The following CLPB variants were observed in gnomAD, a reference collection of about 807,000 sequenced individuals.
CLPB encodes the protein mitochondrial disaggregase.
In CLPB, 40 loss-of-function variants were observed where a neutral mutation model predicts 78.4. The observed-to-expected ratio is 0.51, with a 90% CI of 0.40 to 0.66. The LOEUF is 0.66. Ranked by LOEUF, CLPB falls within the 30% of genes least tolerant of loss-of-function variation. The pLI, the probability that CLPB is intolerant of heterozygous loss-of-function variation, is 0.00. For missense variants in CLPB, 780 were observed against 886.9 expected, an observed-to-expected ratio of 0.88 and a Z score of 1.53; for synonymous variants, 333 against 348.0, an observed-to-expected ratio of 0.96 and a Z score of 0.48.
intron 10 of CLPB, 111 bp downstream of exon 10, chr11:72,302,193 C>T (rs377022467): frequency 2.3e-5 from 28 of 1,223,180 alleles, no homozygotes; most frequent in South Asian, 1.8e-4. Context: ...GTGCTCCCAA[C>T]GACAAATCCC....
chr11:72,368,174 G>C (rs538611815), intron 4 of CLPB, among the ~76,000 whole-genome samples: 1 of 152,252 alleles, frequency 6.6e-6, no homozygotes, highest in Admixed American at 6.5e-5. Context: ...GAGAGTCACA[G>C]GTGAGTCCTG....
intron 6 of CLPB, among the ~76,000 whole-genome samples, chr11:72,320,232 T>G (rs951355523): frequency 6.6e-6 from 1 of 152,224 alleles, no homozygotes; most frequent in Non-Finnish European, 1.5e-5. Flanking sequence ...CTAACATAAC[T>G]TTTCTTTCCA....
At chr11:72,427,927 T>A (rs1261927500) in intron 2 of CLPB, among the ~76,000 whole-genome samples, 1 of 152,186 alleles carries the variant, frequency 6.6e-6, no homozygotes, top group Non-Finnish European at 1.5e-5. Context: ...AAGAGCAGCA[T>A]GAACCACCTG....
intron 8 of CLPB, 94 bp from the exon 9 acceptor site, chr11:72,307,348 T>C: frequency 9.6e-7 from 1 of 1,046,914 alleles, no homozygotes; most frequent in Non-Finnish European, 1.5e-6. Flanking sequence ...CTAGAAAGAA[T>C]ATATTCTATG....
intron 7 of CLPB, among the ~76,000 whole-genome samples, chr11:72,313,059 T>C (rs1949875711): frequency 6.6e-6 from 1 of 152,128 alleles, no homozygotes; most frequent in African/African-American, 2.4e-5. Flanking sequence ...CAGCTCAAGG[T>C]TCTAGGGCAG....
intron 5 of CLPB, among the ~76,000 whole-genome samples, chr11:72,333,810 G>A (rs1950271212): frequency 6.6e-6 from 1 of 152,214 alleles, no homozygotes; most frequent in African/African-American, 2.4e-5. Context: ...GGCTCTGCAA[G>A]GGCTGAGGAG....
At chr11:72,348,398 T>C (rs928754776) in intron 5 of CLPB, among the ~76,000 whole-genome samples, 1 of 152,098 alleles carries the variant, frequency 6.6e-6, no homozygotes, top group African/African-American at 2.4e-5. Flanking sequence ...TCCACACCCA[T>C]CTCCCTACCC....
intron 5 of CLPB, among the ~76,000 whole-genome samples, chr11:72,340,014 T>C (rs770235294): frequency 1.6e-4 from 24 of 152,216 alleles, no homozygotes; most frequent in Admixed American, 6.5e-5. Flanking sequence ...CTGGGACTTG[T>C]TTATGAACCT....
intron 9 of CLPB, chr11:72,302,766 G>T (rs896678574): frequency 4.8e-6 from 1 of 209,548 alleles, no homozygotes; most frequent in African/African-American, 2.3e-5. Context: ...GAATGGTGCA[G>T]ACATGGACAA....
chr11:72,366,061 GC>G (rs1294060707), intron 4 of CLPB, among the ~76,000 whole-genome samples: 6 of 152,102 alleles, frequency 3.9e-5, no homozygotes, highest in African/African-American at 1.4e-4. Context: ...GACAAATGGG[GC>G]CTAATTAAAT....
At position 72,294,455 on chromosome 11, in the gene CLPB, A is replaced by G. The variant is rs1424610937; in HGVS notation, c.1561-11T>C. The G allele has an allele frequency of 9.3e-6, 15 of 1,614,028 alleles. No homozygotes were observed. Among genetic ancestry groups the G allele is most frequent in the Non-Finnish European group, 1.3e-5 (15 of 1,179,978 alleles). On this transcript the variant is annotated splice_polypyrimidine_tract_variant and intron_variant, in intron 13 of 15. Transcript: ENST00000538039. The stretch of plus-strand genomic sequence containing the variant: ...CCTCCGGAAGTGAGCCTGAAGGGCC[A>G]GGTTAGGGGTGGGATGAGCTCAGTG...
At chr11:72,411,409 C>T (rs1298796391) in intron 2 of CLPB, among the ~76,000 whole-genome samples, 1 of 152,192 alleles carries the variant, frequency 6.6e-6, no homozygotes, top group Non-Finnish European at 1.5e-5. Flanking sequence ...GGCTCTATCA[C>T]TTACTAGCTA....
At chr11:72,324,862 C>T (rs1364897967) in intron 6 of CLPB, among the ~76,000 whole-genome samples, 1 of 152,186 alleles carries the variant, frequency 6.6e-6, no homozygotes, top group East Asian at 1.9e-4. Flanking sequence ...GCCTGGAATG[C>T]GGGCCCAGGG....
rs1949481774 is a variant in CLPB, at chr11:72,293,263, G to T, written c.*104C>A. On this transcript the variant is annotated 3_prime_UTR_variant, in exon 16 of 16. Transcript: ENST00000538039. Reference sequence around the variant, plus strand: ...GAGGAGGTAAGCAGGCCTGAGACTGGGTAGAGATGGGAGCGGCATGAGGGG... The same window carrying T: ...GAGGAGGTAAGCAGGCCTGAGACTGTGTAGAGATGGGAGCGGCATGAGGGG... 2 of 1,417,472 alleles carry T rather than the reference G, an allele frequency of 1.4e-6. No homozygotes were observed. Among genetic ancestry groups the T allele is most frequent in the African/African-American group, 1.4e-5 (1 of 70,456 alleles). 87.8% of individuals were successfully genotyped at this position (1,417,472 alleles called of 1,614,324 possible). A position where few individuals can be genotyped will look rare whatever the true frequency, so the allele number is the denominator to read the frequency against.
rs1258032435 is a variant in CLPB at position 72,290,880 on chromosome 11, G to A, written c.*2487C>T. 1.3e-5 allele frequency: 2 copies of A among 151,840 alleles called. No individual in the cohort carries two copies. The highest frequency in any genetic ancestry group is 1.3e-4 in the Admixed American group (2 of 15,258). The allele number at this position is 151,840 out of a possible 1,614,324, so 9.4% of individuals were successfully genotyped here. ...AATCACTTTGAACCCAGGAGGCAGA[G>A]GTTGCAGTGAGCCGAGATTGCGCCA... On this transcript the variant is annotated 3_prime_UTR_variant, in exon 16 of 16. Coordinates refer to ENST00000538039, the MANE Select transcript of CLPB (RefSeq NM_001258392.3).
intron 2 of CLPB, among the ~76,000 whole-genome samples, chr11:72,421,295 T>G (rs915130246): frequency 5.9e-5 from 9 of 152,104 alleles, no homozygotes; most frequent in Admixed American, 2.0e-4. Context: ...CTCCCTTCCT[T>G]CTTGCCCCTC....
At chr11:72,421,092 T>A (rs887101445) in intron 2 of CLPB, among the ~76,000 whole-genome samples, 1 of 152,160 alleles carries the variant, frequency 6.6e-6, no homozygotes, top group African/African-American at 2.4e-5. Context: ...AATGCTAGGG[T>A]GGGAGGACCA....
chr11:72,307,335 A>G (rs1949764087), intron 8 of CLPB, 81 bp from the exon 9 acceptor site: 2 of 1,152,070 alleles, frequency 1.7e-6, no homozygotes, highest in African/African-American at 3.0e-5. Flanking sequence ...AAATGCACGG[A>G]CACTAGAAAG....
At chr11:72,376,990 A>G (rs974929089) in intron 4 of CLPB, among the ~76,000 whole-genome samples, 7 of 152,224 alleles carry the variant, frequency 4.6e-5, no homozygotes, top group African/African-American at 7.2e-5. Flanking sequence ...GTTCTTAAAC[A>G]CTTGGGTAAT....
Sources: allele counts gnomAD v4.1 joint callset (sites outside exome capture counted in the v4.1 genomes callset), GRCh38; gene constraint gnomAD v4.1.1; transcripts MANE v1.5; gene names NCBI Gene and HGNC (gene_info 2026-07-23, HGNC 2026-07-21).